The following MADD variants were observed in gnomAD, a reference collection of about 807,000 sequenced individuals.
MADD encodes the protein MAP kinase-activating death domain protein.
A neutral mutation model predicts 176.7 loss-of-function variants in MADD; 109 were observed. The observed-to-expected ratio is 0.62, with a 90% CI of 0.53 to 0.72. The LOEUF is 0.72. MADD is among the 30% of genes least tolerant of loss of function. MADD has a pLI of 0.00. For synonymous variants in MADD, 771 were observed against 771.3 expected, an observed-to-expected ratio of 1.00 and a Z score of 0.01; for missense variants, 1,914 against 2,045.5, an observed-to-expected ratio of 0.94 and a Z score of 1.24.
chr11:47,274,498 G>A, intron 2 of MADD, 65 bp from the exon 3 acceptor site: 3 of 1,275,330 alleles, frequency 2.4e-6, no homozygotes, highest in East Asian at 2.3e-5. Flanking sequence ...TTTGTTGACT[G>A]TGGTTAAAAT....
chr11:47,311,986 G>T, intron 26 of MADD, 144 bp downstream of exon 29: 2 of 599,134 alleles, frequency 3.3e-6, no homozygotes, highest in South Asian at 2.1e-5. Context: ...TTCTGTGATG[G>T]GATTCTCTGT....
chr11:47,272,826 G>A (rs75510042), intron 1 of MADD, among the ~76,000 whole-genome samples: 2,197 of 152,252 alleles, frequency 0.014, 52 homozygotes, highest in African/African-American at 0.05. Flanking sequence ...AGTAGGACAA[G>A]GACTCATCTG....
chr11:47,315,409 C>T (rs1445165074), intron 27 of MADD, 82 bp downstream of exon 30: 7 of 713,830 alleles, frequency 9.8e-6, no homozygotes, highest in Admixed American at 9.8e-5. Context: ...GGATATTTTT[C>T]TCATTTATCT....
intron 26 of MADD, 111 bp downstream of exon 29, chr11:47,311,953 T>C (rs1325798047): frequency 6.2e-6 from 4 of 650,254 alleles, no homozygotes; most frequent in Non-Finnish European, 8.3e-6. Context: ...TCTTTGACTG[T>C]AAATGAGGCA....
chr11:47,289,370 T>C (rs1486926806), intron 15 of MADD, 21 bp from the exon 17 acceptor site: 2 of 1,589,230 alleles, frequency 1.3e-6, no homozygotes, highest in East Asian at 2.2e-5. Context: ...ATGTCTCTCA[T>C]TCCTGCCTTC....
intron 27 of MADD, among the ~76,000 whole-genome samples, chr11:47,320,764 A>G (rs924063293): frequency 2.0e-5 from 3 of 151,910 alleles, no homozygotes; most frequent in Admixed American, 6.6e-5. Context: ...TCCACAAAAA[A>G]TTTTAAAATA....
chr11:47,326,906 T>A, intron 31 of MADD, 99 bp downstream of exon 35: 2 of 1,551,764 alleles, frequency 1.3e-6, no homozygotes, highest in East Asian at 4.5e-5. Context: ...AAGAAGAACC[T>A]CTGTAGAGAA....
chr11:47,327,823 A>G (rs1207957970), intron 31 of MADD: 1 of 985,266 alleles, frequency 1.0e-6, no homozygotes, highest in South Asian at 4.7e-5. Context: ...GGGAGATGCC[A>G]GGCCCCTCTG....
intron 19 of MADD, 61 bp from the exon 22 acceptor site, chr11:47,293,822 C>A (rs2067657210): frequency 8.2e-6 from 9 of 1,102,614 alleles, no homozygotes; most frequent in Non-Finnish European, 1.3e-5. Flanking sequence ...CCGTCCCACC[C>A]CCTTTACCAG....
At position 47,295,578 on chromosome 11, in the gene MADD, T is replaced by A; in HGVS notation, c.3483+2T>A. The A allele has an allele frequency of 6.2e-7, 1 of 1,614,004 alleles. No homozygotes were observed. The highest frequency in any genetic ancestry group is 8.5e-7 in the Non-Finnish European group (1 of 1,179,996). ...AGTCAGGATTCTGAAGTTAGCACCG[T>A]GGTAGGGGAACACCACACTGGCATC... On this transcript the variant is annotated splice_donor_variant, in intron 21 of 32. Coordinates refer to ENST00000402192, the Ensembl canonical transcript of MADD. LOFTEE classifies it high-confidence loss of function.
chr11:47,282,456 C>G, exon 9 of MADD: 1 of 1,614,212 alleles, frequency 6.2e-7, no homozygotes, highest in Non-Finnish European at 8.5e-7. Flanking sequence ...CCCTGCGCCT[C>G]TTTCCTCGGC....
intron 4 of MADD, 99 bp downstream of exon 4, chr11:47,276,301 C>T (rs1442415064): frequency 1.0e-4 from 130 of 1,239,770 alleles, no homozygotes; most frequent in Non-Finnish European, 1.4e-4. Flanking sequence ...ACATATTTTT[C>T]ACCTTTTTGT....
intron 7 of MADD, among the ~76,000 whole-genome samples, chr11:47,279,350 A>G (rs1057499751): frequency 3.5e-5 from 5 of 142,574 alleles, no homozygotes; most frequent in Admixed American, 2.1e-4. Context: ...TATGTGTGCC[A>G]CTCTCTATGG....
chr11:47,287,314 T>C (rs2061412221), intron 15 of MADD, among the ~76,000 whole-genome samples: 1 of 152,138 alleles, frequency 6.6e-6, no homozygotes, highest in African/African-American at 2.4e-5. Context: ...AGAGCAAGAC[T>C]CCGTCTTAAA....
At chr11:47,315,319 T>C (rs2092417148) in exon 27 of MADD, 2 of 1,609,820 alleles carry the variant, frequency 1.2e-6, no homozygotes, top group Non-Finnish European at 1.7e-6. Flanking sequence ...AGATATCTTT[T>C]TCATGGAGGT....
rs145567030 is a variant in MADD at position 47,284,986 on chromosome 11, G to A, written c.2203G>A (p.Val735Ile). The A allele has an allele frequency of 1.1e-5, 18 of 1,613,828 alleles. No individual in the cohort carries two copies. The highest frequency in any genetic ancestry group is 5.0e-5 in the Admixed American group (3 of 60,000). Reference sequence around the variant, plus strand: ...GATGGATGATAAGGCAGCAGTAGGCGTCTCCAAGCCCCTCCCTTCCGTGCC... The same window carrying A: ...GATGGATGATAAGGCAGCAGTAGGCATCTCCAAGCCCCTCCCTTCCGTGCC... Residue 735 changes from valine (V) to isoleucine (I), a missense_variant, in exon 13 of 33, where the codon GTC becomes ATC. Transcript: ENST00000402192.
intron 28 of MADD, 115 bp from the exon 32 acceptor site, chr11:47,324,150 T>C (rs759523489): frequency 8.4e-6 from 7 of 835,546 alleles, no homozygotes; most frequent in Non-Finnish European, 1.4e-5. Context: ...ATAGGAGGAC[T>C]ACTTAAAATT....
At chr11:47,287,343 C>T (rs758970297) in intron 15 of MADD, among the ~76,000 whole-genome samples, 5 of 152,116 alleles carry the variant, frequency 3.3e-5, no homozygotes, top group Non-Finnish European at 7.4e-5. Context: ...AAACAAAAAA[C>T]GAAACCTTAT....
chr11:47,305,533 A>G (rs957543650), intron 22 of MADD, among the ~76,000 whole-genome samples: 2 of 152,074 alleles, frequency 1.3e-5, no homozygotes, highest in South Asian at 2.1e-4. Flanking sequence ...ATCTGAGCCA[A>G]TAGGGCTCAG....
Sources: gnomAD v4.1 joint callset for allele counts (sites outside exome capture counted in the v4.1 genomes callset) on GRCh38, gnomAD v4.1.1 for gene constraint, MANE v1.5 for transcripts, NCBI Gene and HGNC (gene_info 2026-07-23, HGNC 2026-07-21) for gene names.